Variants in EHBP1 observed in about 807,000 individuals in gnomAD.
EHBP1 encodes EH domain binding protein 1.
A neutral mutation model predicts 144.0 loss-of-function variants in EHBP1; 55 were observed. The ratio of observed to expected loss-of-function variants is 0.38; its 90% CI spans 0.31 to 0.48. The LOEUF (loss-of-function observed/expected upper bound fraction) is 0.48, where lower values mean the gene tolerates loss of function less well. Among genes scored for constraint, EHBP1 ranks in the 20% least tolerant of loss-of-function variants. The pLI is 0.98. For missense variants in EHBP1, 1,200 were observed against 1,364.2 expected (o/e 0.88, Z 1.90); for synonymous variants, 469 against 472.7 (o/e 0.99, Z 0.10).
At chr2:62,707,945 G>A (rs1169838331) in intron 2 of EHBP1, among the ~76,000 whole-genome samples, 1 of 152,136 alleles carries the variant, frequency 6.6e-6, no homozygotes, top group Admixed American at 6.5e-5. Context: ...TTTTCCACTT[G>A]AGAAGAGTAA....
chr2:62,870,738 C>CATATATATATATATATATATATATAT, intron 9 of EHBP1, among the ~76,000 whole-genome samples: 1 of 139,096 alleles, frequency 7.2e-6, no homozygotes, highest in African/African-American at 2.7e-5. Context: ...AAAAAAAATA[C>CATATATATATATATATATATATATAT]ATATATATAT....
intron 10 of EHBP1, among the ~76,000 whole-genome samples, chr2:62,908,021 T>A (rs993828379): frequency 6.6e-6 from 1 of 152,220 alleles, no homozygotes; most frequent in Non-Finnish European, 1.5e-5. Context: ...ATTATTTGTG[T>A]AGACTGGGTT....
chr2:62,820,735 A>AT (rs1558730483), intron 5 of EHBP1, among the ~76,000 whole-genome samples: 8 of 81,998 alleles, frequency 9.8e-5, no homozygotes, highest in East Asian at 3.5e-4. Flanking sequence ...GTGTGTGTGT[A>AT]TAATATATAT....
intron 2 of EHBP1, among the ~76,000 whole-genome samples, chr2:62,747,120 T>C (rs1221309160): frequency 2.6e-5 from 4 of 152,110 alleles, no homozygotes; most frequent in Non-Finnish European, 5.9e-5. Flanking sequence ...TTTTTCTTTT[T>C]AAAATAGACC....
chr2:63,021,964 C>T (rs1417268231), intron 19 of EHBP1, among the ~76,000 whole-genome samples: 1 of 152,070 alleles, frequency 6.6e-6, no homozygotes, highest in Non-Finnish European at 1.5e-5. Flanking sequence ...GACGGGGTTT[C>T]ACTATGTTGG....
chr2:62,861,329 C>T (rs566200030), intron 8 of EHBP1, among the ~76,000 whole-genome samples: 67 of 151,574 alleles, frequency 4.4e-4, no homozygotes, highest in African/African-American at 1.5e-3. Context: ...GAGGTTTCGC[C>T]ATGTCGGCCA....
chr2:62,802,540 G>T (rs1417804239), intron 5 of EHBP1, among the ~76,000 whole-genome samples: 1 of 152,006 alleles, frequency 6.6e-6, no homozygotes. Context: ...AAGAATAAAT[G>T]ATGTTAAATA....
At chr2:62,981,463 AT>A (rs2058968366) in intron 15 of EHBP1, among the ~76,000 whole-genome samples, 1 of 152,136 alleles carries the variant, frequency 6.6e-6, no homozygotes, top group Non-Finnish European at 1.5e-5. Flanking sequence ...GTTGGTATCT[AT>A]TTTTTGTTTT....
intron 18 of EHBP1, among the ~76,000 whole-genome samples, chr2:62,996,018 T>C (rs2059614684): frequency 6.6e-6 from 1 of 152,116 alleles, no homozygotes; most frequent in South Asian, 2.1e-4. Flanking sequence ...ACAACTGTAA[T>C]AATTACTAAT....
At chr2:62,964,501 T>C (rs2058151188) in intron 14 of EHBP1, among the ~76,000 whole-genome samples, 1 of 152,218 alleles carries the variant, frequency 6.6e-6, no homozygotes, top group South Asian at 2.1e-4. Context: ...TTGTTCTTCT[T>C]ATCATATTCT....
chr2:62,826,118 C>A lies in EHBP1; in HGVS notation c.344C>A (p.Ala115Asp). The change falls in exon 6 of 23, where the codon GCT (alanine) becomes GAT (aspartate). Residue 115 changes from alanine (A) to aspartate (D), a missense_variant. Physicochemically the swap from Ala to Asp is moderately radical, Grantham distance 126. This residue lies in a region of EHBP1 where 137 missense variants were observed against 190.1 expected (regional missense o/e 0.72). Transcript: ENST00000431489. Reference sequence around the variant, plus strand: ...CCTTCTGGTCGAAGGAAAGCTCTTGCTACTAGCAGCATCAATATGAAACAG... The same window carrying A: ...CCTTCTGGTCGAAGGAAAGCTCTTGATACTAGCAGCATCAATATGAAACAG... Reference protein sequence around the residue: ...ESPSGRRKALATSSINMKQYA... With the variant: ...ESPSGRRKALDTSSINMKQYA... The A allele has an allele frequency of 6.5e-7, 1 of 1,531,478 alleles. No homozygotes were observed. The highest frequency in any genetic ancestry group is 8.8e-7 in the Non-Finnish European group (1 of 1,139,942). The allele number at this position is 1,531,478 out of a possible 1,614,324, so 94.9% of individuals were successfully genotyped here.
intron 5 of EHBP1, among the ~76,000 whole-genome samples, chr2:62,791,210 A>G (rs149544120): frequency 2.3e-4 from 35 of 152,172 alleles, no homozygotes; most frequent in African/African-American, 7.9e-4. Context: ...TGTATGTGAT[A>G]ACATGCTTTT....
intron 21 of EHBP1, among the ~76,000 whole-genome samples, chr2:63,041,686 G>A (rs1222377897): frequency 2.0e-5 from 3 of 152,070 alleles, no homozygotes; most frequent in African/African-American, 7.2e-5. Context: ...TAGGTACAGC[G>A]GTAGAATCCT....
upstream of EHBP1, among the ~76,000 whole-genome samples, chr2:62,700,722 A>G (rs1419966957): frequency 2.0e-5 from 3 of 152,298 alleles, no homozygotes; most frequent in African/African-American, 7.2e-5. Flanking sequence ...TTAAAATTAA[A>G]TAATATTAAA....
At chr2:62,928,795 A>T (rs1350859220) in intron 10 of EHBP1, among the ~76,000 whole-genome samples, 1 of 151,736 alleles carries the variant, frequency 6.6e-6, no homozygotes, top group Non-Finnish European at 1.5e-5. Context: ...TGATTCTTTG[A>T]AGAGATCAAC....
intron 10 of EHBP1, among the ~76,000 whole-genome samples, chr2:62,929,743 G>C (rs2055832700): frequency 6.6e-6 from 1 of 151,828 alleles, no homozygotes; most frequent in African/African-American, 2.4e-5. Context: ...GATGTAAAAG[G>C]TATTCAAATC....
Position 62,747,451 on chromosome 2 carries a change from AG to A in EHBP1, c.162+1del. ...WTRRSRRKSSKAHSWQPGIKN... is the reference protein window; with the variant it reads ...WTRRSRRKSSXAHSWQPGIKN... ...AGAAGAAGCCGAAGGAAGTCTTCTAAGGTTAGTGTATTTTCTAAATTTCTTA... is the reference window on the plus strand; with the variant it reads ...AGAAGAAGCCGAAGGAAGTCTTCTAAGTTAGTGTATTTTCTAAATTTCTTA... On this transcript the variant is annotated frameshift_variant and splice_region_variant, in exon 3 of 23. Transcript: ENST00000431489. LOFTEE classifies it high-confidence loss of function. 6.2e-7 allele frequency: 1 copy of A among 1,604,310 alleles called. No homozygotes were observed. The highest frequency in any genetic ancestry group is 8.5e-7 in the Non-Finnish European group (1 of 1,175,020).
chr2:62,802,219 A>G (rs1373324457), intron 5 of EHBP1, among the ~76,000 whole-genome samples: 1 of 152,206 alleles, frequency 6.6e-6, no homozygotes, highest in Non-Finnish European at 1.5e-5. Context: ...AGTGGTGGGT[A>G]GAGTGTGGAA....
At chr2:62,922,264 A>G (rs1270299949) in intron 10 of EHBP1, among the ~76,000 whole-genome samples, 2 of 152,218 alleles carry the variant, frequency 1.3e-5, no homozygotes, top group Non-Finnish European at 2.9e-5. Flanking sequence ...CTGAGGACAA[A>G]GAAGGGTTGG....
Sources: gnomAD v4.1 joint callset for allele counts (sites outside exome capture counted in the v4.1 genomes callset) on GRCh38, gnomAD v4.1.1 for gene constraint, gnomAD v4.1.1 regional missense constraint, MANE v1.5 for transcripts, NCBI Gene and HGNC (gene_info 2026-07-23, HGNC 2026-07-21) for gene names.